Variants in FGD5 observed in about 807,000 individuals in gnomAD.
FGD5 encodes the protein FYVE, RhoGEF and PH domain-containing protein 5.
A neutral mutation model predicts 133.4 loss-of-function variants in FGD5; 28 were observed. The ratio of observed to expected loss-of-function variants is 0.21; its 90% CI spans 0.16 to 0.29. The LOEUF (loss-of-function observed/expected upper bound fraction) is 0.29. Among genes scored for constraint, FGD5 ranks in the 10% least tolerant of loss-of-function variants. The pLI is 1.00. For missense variants in FGD5, 1,858 were observed against 1,895.2 expected (o/e 0.98, Z 0.36); for synonymous variants, 810 against 776.5 (o/e 1.04, Z -0.72).
Position 14,820,271 on chromosome 3 carries a change from A to G in FGD5, c.1200A>G (p.Leu400=), listed in dbSNP as rs374173929. ...CTTTGTGTGGCCAGTGTGGCTCCCT[A>G]CAGGGTGGAGCGGCCGAGGGTCCCG... The part of the protein sequence containing the change: ...VGALCGQCGS[L]QGGAAEGPAA... The change falls in exon 1 of 20, where the codon CTA becomes CTG. Residue 400 remains leucine (L), a synonymous_variant. Transcript: ENST00000285046. 1.2e-5 allele frequency: 20 copies of G among 1,605,298 alleles called. No homozygotes were observed. The East Asian group carries it at 4.2e-4, about 34-fold the overall frequency.
chr3:14,836,375 A>G (rs1400205295), intron 1 of FGD5, among the ~76,000 whole-genome samples: 1 of 152,206 alleles, frequency 6.6e-6, no homozygotes. Flanking sequence ...AGAGCTGCAG[A>G]GTGAGTCAAT....
chr3:14,867,708 G>C (rs1378642140), intron 2 of FGD5, among the ~76,000 whole-genome samples: 1 of 152,012 alleles, frequency 6.6e-6, no homozygotes, highest in Admixed American at 6.5e-5. Context: ...TTGGTAGGGT[G>C]GGGGTGGGGA....
At chr3:14,828,603 G>A (rs147839209) in intron 1 of FGD5, among the ~76,000 whole-genome samples, 10 of 152,216 alleles carry the variant, frequency 6.6e-5, no homozygotes, top group East Asian at 3.9e-4. Flanking sequence ...TAGCGTTCCC[G>A]GAGTATCTGC....
At position 14,922,064 on chromosome 3, in the gene FGD5, G is replaced by T. The variant is rs908007453; in HGVS notation, c.3669+47G>T. ...ACGGGCCACCAGCTTCAGAGACCTGGGGTTCCCTGGGCGGGCATTGCTGTT... is the reference window on the plus strand; with the variant it reads ...ACGGGCCACCAGCTTCAGAGACCTGTGGTTCCCTGGGCGGGCATTGCTGTT... On this transcript the variant is annotated intron_variant, in intron 14 of 19. Transcript: ENST00000285046. The surrounding 1 kb of genome is among the most constrained non-coding windows in gnomAD (Gnocchi z 4.1). 25 of 1,538,230 alleles carry T rather than the reference G, an allele frequency of 1.6e-5. No individual in the cohort carries two copies. Among genetic ancestry groups the T allele is most frequent in the Non-Finnish European group, 1.9e-5 (22 of 1,136,194 alleles).
At chr3:14,843,163 T>G (rs1575202143) in intron 1 of FGD5, among the ~76,000 whole-genome samples, 1 of 152,220 alleles carries the variant, frequency 6.6e-6, no homozygotes, top group Non-Finnish European at 1.5e-5. Flanking sequence ...TATCTTTTTC[T>G]TTTTTAGGCT....
intron 1 of FGD5, among the ~76,000 whole-genome samples, chr3:14,857,071 GT>G (rs2037295437): frequency 6.6e-6 from 1 of 151,808 alleles, no homozygotes; most frequent in African/African-American, 2.4e-5. Context: ...TTTATTGAGA[GT>G]TTTTATCACG....
intron 16 of FGD5, among the ~76,000 whole-genome samples, chr3:14,923,804 C>T (rs772123126): frequency 1.3e-5 from 2 of 152,174 alleles, no homozygotes; most frequent in South Asian, 2.1e-4. Flanking sequence ...GGCTGTCCAG[C>T]GCCCTGGAAA....
At chr3:14,875,672 C>T (rs567868200) in intron 2 of FGD5, among the ~76,000 whole-genome samples, 76 of 152,188 alleles carry the variant, frequency 5.0e-4, no homozygotes, top group African/African-American at 1.8e-3. Context: ...GAATGAGAGA[C>T]AGGCCAGTCA....
chr3:14,902,231 G>A (rs1167331326), intron 9 of FGD5, among the ~76,000 whole-genome samples: 1 of 149,736 alleles, frequency 6.7e-6, no homozygotes, highest in African/African-American at 2.5e-5. Context: ...GCAGTGACCC[G>A]AGACCATGGC....
At chr3:14,834,192 CT>C (rs2036772100) in intron 1 of FGD5, among the ~76,000 whole-genome samples, 1 of 152,102 alleles carries the variant, frequency 6.6e-6, no homozygotes, top group Non-Finnish European at 1.5e-5. Flanking sequence ...CCCGAAGAGC[CT>C]GCTGAGGGGC....
At chr3:14,879,668 C>T (rs1050741138) in intron 2 of FGD5, among the ~76,000 whole-genome samples, 3 of 152,206 alleles carry the variant, frequency 2.0e-5, no homozygotes, top group African/African-American at 4.8e-5. Flanking sequence ...GGTCCCTGCC[C>T]TCCTGGAGAG....
intron 2 of FGD5, among the ~76,000 whole-genome samples, chr3:14,867,046 A>G (rs550588554): frequency 7.9e-5 from 12 of 152,322 alleles, no homozygotes; most frequent in African/African-American, 1.9e-4. Flanking sequence ...ATTCTTCTTT[A>G]TAAGGCTTGC....
At position 14,853,636 on chromosome 3, in the gene FGD5, C is replaced by CTTTTT. The variant is rs34008934; in HGVS notation, c.2526-10465_2526-10461dup. On this transcript the variant is annotated intron_variant, in intron 1 of 19. Transcript: ENST00000285046. ...GAGATTCCCAGGGGGAAAAGCGTTC[C>CTTTTT]TTTTTTTTTTTTTTTTTTTTTTTTT... is the stretch of plus-strand genomic sequence containing the variant. Among the ~76,000 whole-genome samples, 51 of 37,126 alleles carry CTTTTT rather than the reference C, an allele frequency of 1.4e-3. 1 individual carries two copies. The highest frequency in any genetic ancestry group is 3.8e-3 in the East Asian group (3 of 786). 24.4% of individuals were successfully genotyped at this position (37,126 alleles called of 152,430 possible).
chr3:14,854,389 T>TTTTTTTTA (rs1215206630), intron 1 of FGD5, among the ~76,000 whole-genome samples: 1,793 of 137,520 alleles, frequency 0.013, 18 homozygotes, highest in Middle Eastern at 0.018. Context: ...TTTCTTTTCT[T>TTTTTTTTA]TTTATTTATT....
At position 14,819,319 on chromosome 3, in the gene FGD5, G is replaced by A. The variant is rs763348350; in HGVS notation, c.248G>A (p.Ser83Asn). 4 of 1,539,184 alleles carry A rather than the reference G, an allele frequency of 2.6e-6. No homozygotes were observed. The highest frequency in any genetic ancestry group is 4.0e-5 in the Admixed American group (2 of 49,990). Reference sequence around the variant, plus strand: ...GAGGATGAACCCAAGGACGAGGGCAGTGTGGGGAACAAAGCCCTGGTGTCT... The same window carrying A: ...GAGGATGAACCCAAGGACGAGGGCAATGTGGGGAACAAAGCCCTGGTGTCT... Reference protein sequence around the residue: ...LREDEPKDEGSVGNKALVSPE... With the variant: ...LREDEPKDEGNVGNKALVSPE... Residue 83 changes from serine to asparagine, a missense_variant, in exon 1 of 20, where the codon AGT (serine) becomes AAT (asparagine). Around this residue, in one of 3 missense-constraint regions of FGD5, gnomAD observed 1,824 missense variants for 1,848.9 expected, o/e 0.99. Transcript: ENST00000285046. This position sits in a 1 kb window ranked among gnomAD's most constrained non-coding sequence, Gnocchi z 4.1.
At chr3:14,877,389 T>C (rs2037740607) in intron 2 of FGD5, among the ~76,000 whole-genome samples, 1 of 151,990 alleles carries the variant, frequency 6.6e-6, no homozygotes, top group Non-Finnish European at 1.5e-5. Context: ...GGGGCCCGTG[T>C]CTGGACCCTA....
chr3:14,812,111 T>C (rs1489771438), intron 1 of FGD5, among the ~76,000 whole-genome samples: 1 of 152,082 alleles, frequency 6.6e-6, no homozygotes, highest in East Asian at 1.9e-4. Flanking sequence ...AGCAGTGAGG[T>C]GCAGGCTGCG....
intron 2 of FGD5, among the ~76,000 whole-genome samples, chr3:14,878,309 T>C (rs954905955): frequency 6.6e-6 from 1 of 152,284 alleles, no homozygotes; most frequent in East Asian, 1.9e-4. Context: ...TTGAAATGGA[T>C]GTGATTGATT....
chr3:14,818,294 G>C (rs1302605982), upstream of FGD5, among the ~76,000 whole-genome samples: 2 of 152,312 alleles, frequency 1.3e-5, no homozygotes, highest in East Asian at 1.9e-4. Flanking sequence ...GAAGCATGCA[G>C]ATTCCAGACG....
Sources: allele counts gnomAD v4.1 joint callset (sites outside exome capture counted in the v4.1 genomes callset), GRCh38; gene constraint gnomAD v4.1.1; regional missense constraint gnomAD v4.1.1; non-coding constraint Gnocchi (gnomAD v3.1); transcripts MANE v1.5; gene names NCBI Gene and HGNC (gene_info 2026-07-23, HGNC 2026-07-21).